Variants in SLC4A4 observed in about 807,000 individuals in gnomAD.
SLC4A4 encodes electrogenic sodium bicarbonate cotransporter 1.
Under a neutral mutation model 111.5 loss-of-function variants are expected in SLC4A4, and 27 were observed. The ratio of observed to expected loss-of-function variants is 0.24; its 90% CI spans 0.18 to 0.33. The LOEUF is 0.33. Ranked by LOEUF, SLC4A4 falls within the 10% of genes least tolerant of loss-of-function variation. The probability of loss-of-function intolerance (pLI) is 1.00; values close to 1 mark genes in which losing one functional copy is unlikely to be tolerated. For synonymous variants in SLC4A4, 443 were observed against 463.4 expected (o/e 0.96, Z 0.57); for missense variants, 909 against 1,315.5 (o/e 0.69, Z 4.78).
At chr4:71,257,108 G>T (rs2016353) in intron 3 of SLC4A4, among the ~76,000 whole-genome samples, 5 of 152,072 alleles carry the variant, frequency 3.3e-5, no homozygotes, top group South Asian at 4.1e-4. Flanking sequence ...TGCTGAGACC[G>T]CATGTGTATC....
At chr4:71,314,019 ATC>A (rs1278863793) in intron 3 of SLC4A4, among the ~76,000 whole-genome samples, 8 of 152,168 alleles carry the variant, frequency 5.3e-5, no homozygotes, top group Non-Finnish European at 2.9e-5. Flanking sequence ...CAATCTATCC[ATC>A]TGACAAAGGT....
At chr4:71,469,268 G>A (rs542009408) in intron 13 of SLC4A4, among the ~76,000 whole-genome samples, 6 of 151,862 alleles carry the variant, frequency 4.0e-5, no homozygotes, top group Admixed American at 6.6e-5. Flanking sequence ...ATTTTAACTT[G>A]TATTATTATC....
chr4:71,429,845 A>G (rs977855060), intron 7 of SLC4A4, among the ~76,000 whole-genome samples: 1 of 152,110 alleles, frequency 6.6e-6, no homozygotes, highest in Non-Finnish European at 1.5e-5. Context: ...AGCGATATCA[A>G]CCTGATATGA....
At chr4:71,082,162 T>A (rs116705706) in intron 1 of SLC4A4, among the ~76,000 whole-genome samples, 3,284 of 152,216 alleles carry the variant, frequency 0.022, 93 homozygotes, top group African/African-American at 0.05. Flanking sequence ...GTCTGTAGTA[T>A]CTAGCAATTC....
At chr4:71,278,927 T>C (rs905672289) in intron 3 of SLC4A4, among the ~76,000 whole-genome samples, 19 of 152,326 alleles carry the variant, frequency 1.2e-4, no homozygotes, top group Non-Finnish European at 2.5e-4. Flanking sequence ...TTTTCATTTT[T>C]TTCCAGCTTT....
chr4:71,358,959 G>C (rs775231289), intron 6 of SLC4A4, among the ~76,000 whole-genome samples: 10 of 152,134 alleles, frequency 6.6e-5, no homozygotes, highest in Non-Finnish European at 8.8e-5. Context: ...GAAGTATAAA[G>C]AAGTGAAAAA....
chr4:71,426,131 A>G (rs566888497), intron 7 of SLC4A4, among the ~76,000 whole-genome samples: 1 of 152,198 alleles, frequency 6.6e-6, no homozygotes, highest in African/African-American at 2.4e-5. Context: ...TTGCTACAAT[A>G]AAACTCTTTT....
In SLC4A4 at chr4:71,567,725, C is replaced by T. The variant is rs375575998; in HGVS notation, c.*37-63C>T. 2.8e-4 allele frequency: 213 copies of T among 752,524 alleles called. 2 individuals carry two copies. The East Asian group carries it at 5.3e-3, about 19-fold the overall frequency. The allele number at this position is 752,524 out of a possible 1,614,324, so 46.6% of individuals were successfully genotyped here. A position where few individuals can be genotyped will look rare whatever the true frequency, so the allele number is the denominator to read the frequency against. On this transcript the variant is annotated intron_variant, in intron 25 of 25. Coordinates refer to ENST00000264485, the MANE Select transcript of SLC4A4 (RefSeq NM_001098484.3). ...ATTTGACTTCTATACAATGCATAAA[C>T]ATTTGACAGATGATGAAGGAAATCT...
At chr4:71,082,981 G>A (rs1472979366) in intron 1 of SLC4A4, among the ~76,000 whole-genome samples, 1 of 151,702 alleles carries the variant, frequency 6.6e-6, no homozygotes, top group African/African-American at 2.4e-5. Context: ...AGCCTCCCAA[G>A]TAGCTGGGAT....
At chr4:71,444,995 T>C (rs927723112) in intron 8 of SLC4A4, among the ~76,000 whole-genome samples, 1 of 152,204 alleles carries the variant, frequency 6.6e-6, no homozygotes, top group Non-Finnish European at 1.5e-5. Flanking sequence ...CTTGGTGTTA[T>C]TCCATTAATG....
chr4:71,201,552 C>T (rs1313145398), intron 1 of SLC4A4, among the ~76,000 whole-genome samples: 1 of 152,132 alleles, frequency 6.6e-6, no homozygotes, highest in Non-Finnish European at 1.5e-5. Context: ...TTATCCCAAC[C>T]TTCTTTAATT....
At chr4:71,313,007 A>G (rs1266945477) in intron 3 of SLC4A4, among the ~76,000 whole-genome samples, 1 of 152,246 alleles carries the variant, frequency 6.6e-6, no homozygotes, top group Non-Finnish European at 1.5e-5. Flanking sequence ...TGCAGATGAC[A>G]TGATTGTGTA....
rs1737740569 is a variant in SLC4A4, at chr4:71,569,134, C to G, written c.*1383C>G. ...GGCAGAGGGCAAAGTCATTGAATCT[C>G]TTATGCCAGTTTTCATAAAACCCAA... On this transcript the variant is annotated 3_prime_UTR_variant, in exon 26 of 26. Coordinates refer to ENST00000264485, the MANE Select transcript of SLC4A4 (RefSeq NM_001098484.3). 1 of 151,518 alleles carries G rather than the reference C, an allele frequency of 6.6e-6. No homozygotes were observed. Among genetic ancestry groups the G allele is most frequent in the Non-Finnish European group, 1.5e-5 (1 of 67,738 alleles). 9.4% of individuals were successfully genotyped at this position (151,518 alleles called of 1,614,324 possible).
chr4:71,474,117 C>CAA (rs55943109), intron 14 of SLC4A4, among the ~76,000 whole-genome samples: 13 of 121,350 alleles, frequency 1.1e-4, no homozygotes, highest in Non-Finnish European at 1.9e-4. Context: ...AAGACCCTGT[C>CAA]AAAAAAAAAA....
intron 3 of SLC4A4, among the ~76,000 whole-genome samples, chr4:71,309,026 C>T (rs114842856): frequency 0.11 from 16,648 of 152,158 alleles, 998 homozygotes; most frequent in South Asian, 0.28. Context: ...CGACCTGGGA[C>T]GCTCAAGCTT....
At chr4:71,427,227 T>A (rs1723225421) in intron 7 of SLC4A4, among the ~76,000 whole-genome samples, 1 of 152,094 alleles carries the variant, frequency 6.6e-6, no homozygotes, top group Non-Finnish European at 1.5e-5. Flanking sequence ...TTCTTATTTG[T>A]TAAGATAATA....
chr4:71,347,873 C>A lies in SLC4A4; in HGVS notation c.390-2039C>A, dbSNP rs183525565. Among the ~76,000 whole-genome samples the A allele has an allele frequency of 9.3e-3, 1,413 of 152,116 alleles. 13 individuals are homozygous for A. Among genetic ancestry groups the A allele is most frequent in the Non-Finnish European group, 0.016 (1,111 of 67,988 alleles). On this transcript the variant is annotated intron_variant, in intron 4 of 25. Transcript: ENST00000264485. Reference sequence around the variant, plus strand: ...TAAATTCTATGACCAAATATTCTATCCCTCAGAAAATAAGCATACTCTTAG... The same window carrying A: ...TAAATTCTATGACCAAATATTCTATACCTCAGAAAATAAGCATACTCTTAG...
chr4:71,455,183 T>C (rs902440083), intron 12 of SLC4A4, among the ~76,000 whole-genome samples: 1 of 152,184 alleles, frequency 6.6e-6, no homozygotes, highest in African/African-American at 2.4e-5. Context: ...AAACCAGTGA[T>C]TTTTAAATAT....
intron 6 of SLC4A4, among the ~76,000 whole-genome samples, chr4:71,379,139 G>A (rs139535006): frequency 5.7e-4 from 86 of 152,188 alleles, no homozygotes; most frequent in African/African-American, 1.8e-3. Context: ...AAGGATCTAC[G>A]TTATGAACGC....
Sources: allele counts gnomAD v4.1 joint callset (sites outside exome capture counted in the v4.1 genomes callset), GRCh38; gene constraint gnomAD v4.1.1; transcripts MANE v1.5; gene names NCBI Gene and HGNC (gene_info 2026-07-23, HGNC 2026-07-21).